TMEM45A: variants seen among roughly 807,000 people sequenced by gnomAD.
The protein encoded by TMEM45A is DNA polymerase-transactivated protein 4.
A neutral mutation model predicts 32.0 loss-of-function variants in TMEM45A; 25 were observed. The observed-to-expected ratio is 0.78, with a 90% confidence interval of 0.57 to 1.09. The LOEUF (loss-of-function observed/expected upper bound fraction) is 1.09. Ranked by LOEUF, TMEM45A falls within the 50% of genes least tolerant of loss-of-function variation. The pLI is 0.00. For synonymous variants in TMEM45A, 122 were observed against 114.8 expected (o/e 1.06, Z -0.40); for missense variants, 302 against 325.0 (o/e 0.93, Z 0.54).
chr3:100,549,023 G>A (rs889925628), intron 1 of TMEM45A, among the ~76,000 whole-genome samples: 12 of 152,092 alleles, frequency 7.9e-5, no homozygotes, highest in African/African-American at 2.4e-4. Flanking sequence ...CAAGGTGGGC[G>A]GATCACCTGA....
At chr3:100,559,692 G>A (rs949469471) in intron 4 of TMEM45A, among the ~76,000 whole-genome samples, 3 of 151,522 alleles carry the variant, frequency 2.0e-5, no homozygotes, top group South Asian at 4.2e-4. Flanking sequence ...AAAAATAGAC[G>A]GAAAACATTT....
At chr3:100,497,305 G>A (rs927142402) in intron 1 of TMEM45A, among the ~76,000 whole-genome samples, 3 of 152,146 alleles carry the variant, frequency 2.0e-5, no homozygotes, top group Non-Finnish European at 4.4e-5. Context: ...GTACTCATAT[G>A]CATTACATGA....
intron 1 of TMEM45A, among the ~76,000 whole-genome samples, chr3:100,544,781 A>G (rs370590214): frequency 2.2e-4 from 33 of 152,324 alleles, no homozygotes; most frequent in African/African-American, 7.0e-4. Context: ...GTTATTATAA[A>G]TAAAGCTACT....
Position 100,551,861 on chromosome 3 carries a change from C to A in TMEM45A, c.-3-3348C>A, listed in dbSNP as rs927251993. Among the ~76,000 whole-genome samples the A allele has an allele frequency of 4.1e-4, 62 of 152,164 alleles. 1 individual carries two copies. The highest frequency in any genetic ancestry group is 4.1e-3 in the Admixed American group (62 of 15,274). On this transcript the variant is annotated intron_variant, in intron 1 of 5. Coordinates refer to ENST00000323523, the MANE Select transcript of TMEM45A (RefSeq NM_018004.3). ...TATAACTGAAGTAGGAAGGAGGACT[C>A]CTTTCTTTCCCCACTTTGATCAGCT... is the stretch of plus-strand genomic sequence containing the variant.
intron 4 of TMEM45A, among the ~76,000 whole-genome samples, chr3:100,562,423 C>G (rs1354077837): frequency 1.3e-5 from 2 of 152,158 alleles, no homozygotes; most frequent in Non-Finnish European, 1.5e-5. Flanking sequence ...TCAGTTAACT[C>G]TGTTCAGTGG....
chr3:100,576,958 C>T lies in TMEM45A; in HGVS notation c.768C>T (p.Ser256=), dbSNP rs1706702579. The T allele has an allele frequency of 1.2e-6, 2 of 1,613,484 alleles. No individual in the cohort carries two copies. The highest frequency in any genetic ancestry group is 1.7e-6 in the Non-Finnish European group (2 of 1,179,836). ...AATCTAGACTTAAGAGGCTCTGCTC[C>T]TCAGAAGTTGGACTTCTGAAAAATG... ...LVKSRLKRLC[S]SEVGLLKNAE... is the part of the protein sequence containing the mutation. The change falls in exon 6 of 6, where the codon TCC becomes TCT. Residue 256 remains serine (S), a synonymous_variant. Coordinates refer to ENST00000323523, the MANE Select transcript of TMEM45A (RefSeq NM_018004.3).
chr3:100,558,796 T>A (rs1056701033), intron 4 of TMEM45A, among the ~76,000 whole-genome samples: 4 of 152,184 alleles, frequency 2.6e-5, no homozygotes, highest in African/African-American at 9.7e-5. Flanking sequence ...TGCGTGCACA[T>A]CTTCATCACA....
At chr3:100,576,122 G>C (rs1706679226) in intron 5 of TMEM45A, among the ~76,000 whole-genome samples, 1 of 151,962 alleles carries the variant, frequency 6.6e-6, no homozygotes, top group Non-Finnish European at 1.5e-5. Context: ...AGACCATCCT[G>C]ACCAACATGG....
intron 1 of TMEM45A, among the ~76,000 whole-genome samples, chr3:100,543,852 G>T (rs769359699): frequency 6.6e-6 from 1 of 152,150 alleles, no homozygotes; most frequent in South Asian, 2.1e-4. Context: ...TATGAATCCC[G>T]GTTCCGTTAC....
chr3:100,552,166 T>C (rs1380277685), intron 1 of TMEM45A, among the ~76,000 whole-genome samples: 2 of 152,228 alleles, frequency 1.3e-5, no homozygotes, highest in African/African-American at 4.8e-5. Flanking sequence ...ACCAAAATTT[T>C]TGTGACTCTG....
Position 100,523,234 on chromosome 3 carries a change from G to A in TMEM45A, c.-4+30306G>A, listed in dbSNP as rs115488810. ...GCTGATGTTGTCTGTTTGTGTTGCC[G>A]TGAACCACACCTGGATAACTGGTCT... On this transcript the variant is annotated intron_variant, in intron 1 of 5. Coordinates refer to ENST00000323523, the MANE Select transcript of TMEM45A (RefSeq NM_018004.3). 2.0e-3 allele frequency among the ~76,000 whole-genome samples: 309 copies of A among 152,254 alleles called. 1 individual carries two copies. Among genetic ancestry groups the A allele is most frequent in the Non-Finnish European group, 2.4e-3 (165 of 68,022 alleles).
intron 1 of TMEM45A, among the ~76,000 whole-genome samples, chr3:100,529,269 A>C (rs1309738208): frequency 1.3e-5 from 2 of 152,214 alleles, no homozygotes; most frequent in East Asian, 3.8e-4. Context: ...AGTTTGAGAA[A>C]CACTGCTTTA....
intron 4 of TMEM45A, among the ~76,000 whole-genome samples, chr3:100,564,025 A>C (rs1169517546): frequency 6.6e-6 from 1 of 152,228 alleles, no homozygotes; most frequent in Admixed American, 6.5e-5. Flanking sequence ...GCACAGCGGC[A>C]GTGATGCAAA....
intron 4 of TMEM45A, among the ~76,000 whole-genome samples, chr3:100,564,395 A>C (rs1706386198): frequency 6.6e-6 from 1 of 152,228 alleles, no homozygotes; most frequent in African/African-American, 2.4e-5. Flanking sequence ...TATTTTTACA[A>C]AAAAGCTGAA....
At chr3:100,546,706 G>C (rs1380008281) in intron 1 of TMEM45A, among the ~76,000 whole-genome samples, 1 of 152,196 alleles carries the variant, frequency 6.6e-6, no homozygotes, top group Non-Finnish European at 1.5e-5. Context: ...GCAGCTCAGT[G>C]GTAGAAAGGA....
chr3:100,568,065 G>T (rs1329772088), intron 4 of TMEM45A, among the ~76,000 whole-genome samples: 1 of 152,150 alleles, frequency 6.6e-6, no homozygotes, highest in Non-Finnish European at 1.5e-5. Context: ...GATTACAGGC[G>T]TGAGCCACCA....
intron 3 of TMEM45A, 21 bp downstream of exon 3, chr3:100,556,993 T>C (rs759072750): frequency 1.2e-6 from 2 of 1,610,510 alleles, no homozygotes; most frequent in East Asian, 4.5e-5. Context: ...GTGAGTATTT[T>C]CATGTACCTT....
rs1321811905 is a variant in TMEM45A at position 100,523,757 on chromosome 3, TCTC to T, written c.-4+30841_-4+30843del. Among the ~76,000 whole-genome samples the T allele has an allele frequency of 5.5e-5, 8 of 146,744 alleles. No homozygotes were observed. The South Asian group carries it at 1.1e-3, about 21-fold the overall frequency. ...CCTTTCTCCTCCTTCTCCTCCTCCT[TCTC>T]CTCCTCCTCCTTTCTCTTCCTTCTC... is the stretch of plus-strand genomic sequence containing the variant. On this transcript the variant is annotated intron_variant, in intron 1 of 5. Transcript: ENST00000323523.
chr3:100,559,928 TG>T (rs1706297614), intron 4 of TMEM45A, among the ~76,000 whole-genome samples: 1 of 151,846 alleles, frequency 6.6e-6, no homozygotes, highest in Non-Finnish European at 1.5e-5. Context: ...CAAAGAAACT[TG>T]TGGGCTGGAT....
Sources: gnomAD v4.1 joint callset for allele counts (sites outside exome capture counted in the v4.1 genomes callset) on GRCh38, gnomAD v4.1.1 for gene constraint, MANE v1.5 for transcripts, NCBI Gene and HGNC (gene_info 2026-07-23, HGNC 2026-07-21) for gene names.